Variants in MACF1 observed in about 807,000 individuals in gnomAD.
MACF1 encodes microtubule-actin cross-linking factor 1.
Under a neutral mutation model 854.8 loss-of-function variants are expected in MACF1, and 193 were observed. The ratio of observed to expected loss-of-function variants is 0.23; its 90% CI spans 0.20 to 0.25. The LOEUF is 0.25. Ranked by LOEUF, MACF1 falls within the 10% of genes least tolerant of loss-of-function variation. The pLI is 1.00. For missense variants in MACF1, 7,722 were observed against 8,929.1 expected (o/e 0.86, Z 5.45); for synonymous variants, 3,185 against 3,226.7 (o/e 0.99, Z 0.44).
chr1:39,463,384 G>C (rs766288880), intron 93 of MACF1, among the ~76,000 whole-genome samples: 1 of 151,752 alleles, frequency 6.6e-6, no homozygotes, highest in Non-Finnish European at 1.5e-5. Flanking sequence ...CAGCCACTTG[G>C]GGGGCTGAGG....
intron 1 of MACF1, among the ~76,000 whole-genome samples, chr1:39,221,701 TAC>T (rs1644654191): frequency 6.6e-6 from 1 of 152,218 alleles, no homozygotes; most frequent in Admixed American, 6.5e-5. Flanking sequence ...TTTCTACCTC[TAC>T]ATTGCATGAC....
rs984938587 is a variant in MACF1 at position 39,460,203 on chromosome 1, C to G, written c.21361-429C>G. ...AAATCTCAGAAGATAGTGGTAAACA[C>G]GAGCCTCCTGATATGAGCCCTATGT... is the stretch of plus-strand genomic sequence containing the variant. On this transcript the variant is annotated intron_variant, in intron 91 of 100. Coordinates refer to ENST00000564288, the MANE Select transcript of MACF1 (RefSeq NM_001394062.1). This position sits in a 1 kb window ranked among gnomAD's most constrained non-coding sequence, Gnocchi z 4.1. Among the ~76,000 whole-genome samples, 1 of 152,164 alleles carries G rather than the reference C, an allele frequency of 6.6e-6. No homozygotes were observed. The highest frequency in any genetic ancestry group is 1.5e-5 in the Non-Finnish European group (1 of 68,044).
At position 39,331,339 on chromosome 1, in the gene MACF1, T is replaced by A; in HGVS notation, c.4751T>A (p.Leu1584His). Residue 1584 changes from leucine to histidine, a missense_variant, in exon 37 of 101, where the codon CTC (leucine) becomes CAC (histidine). Around this residue, in one of 15 missense-constraint regions of MACF1, gnomAD observed 1,531 missense variants for 1,601.6 expected, o/e 0.96. Coordinates refer to ENST00000564288, the MANE Select transcript of MACF1 (RefSeq NM_001394062.1). The part of the protein sequence containing the change: ...LLESQVIMSG[L>H]IAPETGENLS... ...GAATCTCAGGTTATCATGTCTGGCC[T>A]CATTGCCCCTGAGACGGGTGAAAAC... is the stretch of plus-strand genomic sequence containing the variant. The A allele has an allele frequency of 6.2e-7, 1 of 1,614,074 alleles. No homozygotes were observed. The highest frequency in any genetic ancestry group is 8.5e-7 in the Non-Finnish European group (1 of 1,180,008).
chr1:39,350,928 G>A lies in MACF1; in HGVS notation c.11109G>A (p.Glu3703=), dbSNP rs752746580. The change falls in exon 43 of 101, where the codon GAG becomes GAA. Residue 3703 remains glutamate, a synonymous_variant. Coordinates refer to ENST00000564288, the MANE Select transcript of MACF1 (RefSeq NM_001394062.1). ...GGGAAAAGCTTCATCAGGCTAAGGA[G>A]CAATATGAGGCGCTCCAGGAAGAGA... ...ALREKLHQAK[E]QYEALQEETR... is the part of the protein sequence containing the mutation. The A allele has an allele frequency of 1.2e-6, 2 of 1,614,158 alleles. No individual in the cohort carries two copies. The highest frequency in any genetic ancestry group is 8.5e-7 in the Non-Finnish European group (1 of 1,180,012).
intron 79 of MACF1, among the ~76,000 whole-genome samples, chr1:39,444,329 C>G (rs1644181004): frequency 6.6e-6 from 1 of 151,080 alleles, no homozygotes; most frequent in Non-Finnish European, 1.5e-5. Context: ...GAGTGAGACT[C>G]CATCTCAAAA....
At chr1:39,286,052 T>C (rs1229465577) in intron 14 of MACF1, among the ~76,000 whole-genome samples, 1 of 152,226 alleles carries the variant, frequency 6.6e-6, no homozygotes. Context: ...TCACTTTCGT[T>C]GCCCAGGCTG....
chr1:39,134,935 A>G (rs1244422254), intron 2 of MACF1, among the ~76,000 whole-genome samples: 1 of 152,156 alleles, frequency 6.6e-6, no homozygotes, highest in African/African-American at 2.4e-5. Flanking sequence ...CCATTAAACA[A>G]TAACTCACCT....
intron 2 of MACF1, among the ~76,000 whole-genome samples, chr1:39,106,830 TG>T (rs1642255085): frequency 1.5e-5 from 2 of 132,886 alleles, no homozygotes; most frequent in South Asian, 5.6e-4. Context: ...CTTGTGGCAT[TG>T]GAACTCTGCT....
chr1:39,275,915 T>G (rs945549182), intron 6 of MACF1, among the ~76,000 whole-genome samples: 2 of 144,646 alleles, frequency 1.4e-5, no homozygotes, highest in South Asian at 2.2e-4. Context: ...TTCATCTGCT[T>G]CTTCTTCTTC....
chr1:39,272,650 T>C (rs1286457834), intron 6 of MACF1, among the ~76,000 whole-genome samples: 1 of 152,202 alleles, frequency 6.6e-6, no homozygotes, highest in South Asian at 2.1e-4. Flanking sequence ...AGGCTATGGA[T>C]AGACATAAAC....
At chr1:39,439,013 G>A (rs779296685) in intron 71 of MACF1, among the ~76,000 whole-genome samples, 1 of 150,876 alleles carries the variant, frequency 6.6e-6, no homozygotes, top group Non-Finnish European at 1.5e-5. Flanking sequence ...AACCTGGGAG[G>A]CAGAGGTTGC....
rs1553190568 is a variant in MACF1, at chr1:39,263,775, T to TTC, written c.528+5748_528+5749insCT. 9.2e-5 allele frequency among the ~76,000 whole-genome samples: 12 copies of TTC among 130,210 alleles called. No homozygotes were observed. In the South Asian group the frequency reaches 1.6e-3, roughly 17 times the overall value. The allele number at this position is 130,210 out of a possible 152,430, so 85.4% of individuals were successfully genotyped here. The stretch of plus-strand genomic sequence containing the variant: ...CTTTCATCTTTTTTCTTTTTTCTTT[T>TTC]TTTTTTTTTTTTTTTTGAGACGGAG... On this transcript the variant is annotated intron_variant, in intron 6 of 100. Coordinates refer to ENST00000564288, the MANE Select transcript of MACF1 (RefSeq NM_001394062.1).
chr1:39,094,414 AAAG>A (rs1387872438), intron 2 of MACF1, among the ~76,000 whole-genome samples: 2 of 151,656 alleles, frequency 1.3e-5, no homozygotes, highest in Non-Finnish European at 2.9e-5. Context: ...AAAAAAAAAA[AAAG>A]AAAAGAAAAA....
At chr1:39,412,207 G>A (rs575429508) in intron 58 of MACF1, 17 of 1,613,942 alleles carry the variant, frequency 1.1e-5, no homozygotes, top group Admixed American at 1.7e-5. Context: ...GGAGTGCATT[G>A]AGAGGGTCAC....
chr1:39,324,253 G>A lies in MACF1; in HGVS notation c.4297G>A (p.Val1433Met), dbSNP rs770325518. The A allele has an allele frequency of 5.0e-6, 8 of 1,613,558 alleles. No individual in the cohort carries two copies. The Admixed American group carries it at 1.3e-4, about 27-fold the overall frequency. Residue 1433 changes from valine (V) to methionine (M), a missense_variant, in exon 34 of 101, where the codon GTG (valine) becomes ATG (methionine). By Grantham distance (21) the Val-to-Met change is conservative. This residue lies in a region of MACF1 where 1,137 missense variants were observed against 1,263.0 expected (regional missense o/e 0.90). Transcript: ENST00000564288. ...VEKVKELLGW[V>M]STLARNTQGK... is the part of the protein sequence containing the mutation. ...GAAGGTTAAAGAACTTTTGGGCTGG[G>A]TGTCTACCCTAGCGAGGAATACACA...
At chr1:39,285,901 T>A (rs938500210) in intron 14 of MACF1, 143 bp downstream of exon 14, 5 of 851,640 alleles carry the variant, frequency 5.9e-6, no homozygotes, top group Non-Finnish European at 7.1e-6. Context: ...ACAGGTCTCT[T>A]GGGCAGGAAT....
intron 23 of MACF1, among the ~76,000 whole-genome samples, chr1:39,308,428 TTACGGA>T (rs1392375201): frequency 6.6e-6 from 1 of 152,202 alleles, no homozygotes; most frequent in Non-Finnish European, 1.5e-5. Context: ...AAGATTAAAC[TTACGGA>T]TTTAATGCCT....
chr1:39,119,872 C>CTTTTTTTTTTTTTTTTTTTTTTTTT (rs571383832), intron 2 of MACF1, among the ~76,000 whole-genome samples: 1 of 65,554 alleles, frequency 1.5e-5, no homozygotes, highest in Non-Finnish European at 2.9e-5. Context: ...AATAAAGCCT[C>CTTTTTTTTTTTTTTTTTTTTTTTTT]TTTTTTTTTT....
rs999738826 is a variant in MACF1, at chr1:39,436,183, A to T, written c.17988+422A>T. Among the ~76,000 whole-genome samples, 5 of 152,212 alleles carry T rather than the reference A, an allele frequency of 3.3e-5. No individual in the cohort carries two copies. In the South Asian group the frequency reaches 8.3e-4, roughly 25 times the overall value. On this transcript the variant is annotated intron_variant, in intron 70 of 100. Transcript: ENST00000564288. ...AACTCATAGTTTAAGATGCTTGAGT[A>T]AGGAGTAGTAAGAGCCAAAGAGAAG...
Sources: allele counts gnomAD v4.1 joint callset (sites outside exome capture counted in the v4.1 genomes callset), GRCh38; gene constraint gnomAD v4.1.1; regional missense constraint gnomAD v4.1.1; non-coding constraint Gnocchi (gnomAD v3.1); transcripts MANE v1.5; gene names NCBI Gene and HGNC (gene_info 2026-07-23, HGNC 2026-07-21).